Variants in ARHGAP24 observed in about 807,000 individuals in gnomAD.
ARHGAP24 encodes the protein Rho GTPase activating protein 24.
A neutral mutation model predicts 76.4 loss-of-function variants in ARHGAP24; 50 were observed. That is an observed-to-expected ratio of 0.65 (90% CI 0.52 to 0.83). The LOEUF (loss-of-function observed/expected upper bound fraction) is 0.83. Ranked by LOEUF, ARHGAP24 falls within the 40% of genes least tolerant of loss-of-function variation. The pLI is 0.00. For synonymous variants in ARHGAP24, 345 were observed against 323.3 expected (o/e 1.07, Z -0.72); for missense variants, 930 against 914.2 (o/e 1.02, Z -0.22).
At chr4:85,888,628 A>T (rs958183451) in intron 3 of ARHGAP24, among the ~76,000 whole-genome samples, 12 of 151,896 alleles carry the variant, frequency 7.9e-5, no homozygotes, top group East Asian at 1.9e-4. Context: ...TTTAAAAAAA[A>T]CTTTAGTTTT....
At chr4:85,965,259 C>T (rs770301313) in intron 5 of ARHGAP24, among the ~76,000 whole-genome samples, 1 of 152,044 alleles carries the variant, frequency 6.6e-6, no homozygotes, top group Admixed American at 6.6e-5. Context: ...GGCAGGCAGA[C>T]TCCCCATTTT....
At chr4:85,684,413 G>T (rs915971976) in intron 2 of ARHGAP24, among the ~76,000 whole-genome samples, 134 of 151,994 alleles carry the variant, frequency 8.8e-4, no homozygotes, top group African/African-American at 3.0e-3. Context: ...TTCATCCAGA[G>T]AAAAAATGCT....
chr4:85,605,385 C>G (rs1216695420), intron 2 of ARHGAP24, among the ~76,000 whole-genome samples: 1 of 152,078 alleles, frequency 6.6e-6, no homozygotes, highest in Non-Finnish European at 1.5e-5. Context: ...TCTCTTTGAC[C>G]TAGCAATTCC....
intron 4 of ARHGAP24, among the ~76,000 whole-genome samples, chr4:85,941,344 C>A (rs184352223): frequency 1.6e-3 from 241 of 152,208 alleles, no homozygotes; most frequent in Middle Eastern, 3.4e-3. Context: ...TAAAACTTGG[C>A]CTTCTTTTTA....
At chr4:85,833,490 A>G (rs955883722) in intron 3 of ARHGAP24, among the ~76,000 whole-genome samples, 1 of 152,096 alleles carries the variant, frequency 6.6e-6, no homozygotes, top group Non-Finnish European at 1.5e-5. Flanking sequence ...TGGGGAAAAA[A>G]AAAACAACAA....
intron 4 of ARHGAP24, among the ~76,000 whole-genome samples, chr4:85,932,132 A>G (rs915426464): frequency 2.6e-5 from 4 of 152,242 alleles, no homozygotes; most frequent in African/African-American, 9.6e-5. Context: ...CAAGGATTTC[A>G]GGTGTTAATT....
intron 5 of ARHGAP24, among the ~76,000 whole-genome samples, chr4:85,955,999 A>C (rs1737881512): frequency 6.6e-6 from 1 of 152,230 alleles, no homozygotes. Context: ...CAAACTGTAC[A>C]GTTATAGAGC....
intron 1 of ARHGAP24, among the ~76,000 whole-genome samples, chr4:85,482,953 C>T (rs1375642627): frequency 1.3e-5 from 2 of 152,210 alleles, no homozygotes; most frequent in Non-Finnish European, 2.9e-5. Flanking sequence ...GACCTACATT[C>T]TAACCTGGCT....
At chr4:85,727,978 A>G (rs1267371445) in intron 3 of ARHGAP24, among the ~76,000 whole-genome samples, 4 of 152,138 alleles carry the variant, frequency 2.6e-5, no homozygotes, top group Non-Finnish European at 5.9e-5. Context: ...AGGATAATCT[A>G]AAGTGATTTT....
chr4:85,816,227 A>G (rs1729231221), intron 3 of ARHGAP24, among the ~76,000 whole-genome samples: 1 of 152,218 alleles, frequency 6.6e-6, no homozygotes, highest in Non-Finnish European at 1.5e-5. Flanking sequence ...CAATATAGTC[A>G]TCATGCTGTA....
intron 3 of ARHGAP24, among the ~76,000 whole-genome samples, chr4:85,760,721 C>T (rs1016410351): frequency 1.3e-5 from 2 of 152,152 alleles, no homozygotes; most frequent in Admixed American, 1.3e-4. Context: ...AGCCAAAAAA[C>T]AGAAGGCCCG....
At chr4:85,552,644 A>C (rs768340247) in intron 1 of ARHGAP24, among the ~76,000 whole-genome samples, 2 of 152,246 alleles carry the variant, frequency 1.3e-5, no homozygotes, top group South Asian at 4.2e-4. Flanking sequence ...ATTATTGTGT[A>C]GAAATCTTAC....
chr4:85,637,217 A>G (rs912076886), intron 2 of ARHGAP24, among the ~76,000 whole-genome samples: 1 of 152,070 alleles, frequency 6.6e-6, no homozygotes, highest in Non-Finnish European at 1.5e-5. Flanking sequence ...GCCCTGGATC[A>G]TCTCCCTGGG....
intron 2 of ARHGAP24, 104 bp downstream of exon 2, chr4:85,570,825 C>G: frequency 7.9e-7 from 1 of 1,265,462 alleles, no homozygotes; most frequent in Non-Finnish European, 1.1e-6. Context: ...GCTCCCTGGT[C>G]TCCTTCAGTT....
chr4:85,769,897 A>G (rs1727071169), intron 3 of ARHGAP24, among the ~76,000 whole-genome samples: 1 of 152,108 alleles, frequency 6.6e-6, no homozygotes, highest in Non-Finnish European at 1.5e-5. Context: ...AGTAGTGGTT[A>G]ATCCTTAAGA....
intron 2 of ARHGAP24, among the ~76,000 whole-genome samples, chr4:85,721,253 G>T (rs774504313): frequency 6.6e-6 from 1 of 151,956 alleles, no homozygotes; most frequent in African/African-American, 2.4e-5. Flanking sequence ...AAAATTGGCC[G>T]GGTGTGCTGG....
intron 2 of ARHGAP24, among the ~76,000 whole-genome samples, chr4:85,680,532 T>C (rs920954258): frequency 2.6e-5 from 4 of 152,094 alleles, no homozygotes; most frequent in Non-Finnish European, 5.9e-5. Flanking sequence ...AGTTATGGCT[T>C]CTTCATTCCA....
At chr4:85,598,048 G>C (rs1172301716) in intron 2 of ARHGAP24, among the ~76,000 whole-genome samples, 1 of 151,976 alleles carries the variant, frequency 6.6e-6, no homozygotes, top group African/African-American at 2.4e-5. Flanking sequence ...ACTATCCTAA[G>C]GGATGGATAC....
At chr4:85,475,914 C>T (rs1450382570) in intron 1 of ARHGAP24, among the ~76,000 whole-genome samples, 4 of 151,728 alleles carry the variant, frequency 2.6e-5, no homozygotes, top group Non-Finnish European at 5.9e-5. Context: ...TGGTATCCAT[C>T]CTCCCCTTCC....
Sources: gnomAD v4.1 joint callset for allele counts (sites outside exome capture counted in the v4.1 genomes callset) on GRCh38, gnomAD v4.1.1 for gene constraint, MANE v1.5 for transcripts, NCBI Gene and HGNC (gene_info 2026-07-23, HGNC 2026-07-21) for gene names.